Variants in CFAP43 observed in about 807,000 individuals in gnomAD.
CFAP43 encodes cilia- and flagella-associated protein 43.
Under a neutral mutation model 218.9 loss-of-function variants are expected in CFAP43, and 155 were observed. The ratio of observed to expected loss-of-function variants is 0.71; its 90% CI spans 0.62 to 0.81. CFAP43 has a LOEUF of 0.81. Ranked by LOEUF, CFAP43 falls within the 30% of genes least tolerant of loss-of-function variation. The probability of loss-of-function intolerance (pLI) is 0.00; values close to 1 mark genes in which losing one functional copy is unlikely to be tolerated. For missense variants in CFAP43, 1,778 were observed against 1,954.3 expected, an observed-to-expected ratio of 0.91 and a Z score of 1.70; for synonymous variants, 645 against 681.3, an observed-to-expected ratio of 0.95 and a Z score of 0.83.
chr10:104,189,857 CAAAA>C (rs2090149203), intron 12 of CFAP43, among the ~76,000 whole-genome samples: 1 of 151,788 alleles, frequency 6.6e-6, no homozygotes, highest in African/African-American at 2.4e-5. Context: ...CAAAACAAAA[CAAAA>C]CAAACAAACA....
chr10:104,232,250 C>T lies in CFAP43; in HGVS notation c.-4G>A, dbSNP rs1469175542. ...CGCGCTCCCGGCCTTGCGCCATGGGCAGTGTTTTCCTCAGGCGGGAGCAGG... is the reference window on the plus strand; with the variant it reads ...CGCGCTCCCGGCCTTGCGCCATGGGTAGTGTTTTCCTCAGGCGGGAGCAGG... On this transcript the variant is annotated 5_prime_UTR_variant, in exon 1 of 38. Coordinates refer to ENST00000357060, the MANE Select transcript of CFAP43 (RefSeq NM_025145.7). The T allele has an allele frequency of 6.9e-6, 11 of 1,602,564 alleles. No individual in the cohort carries two copies. The highest frequency in any genetic ancestry group is 9.4e-6 in the Non-Finnish European group (11 of 1,176,084).
At chr10:104,140,434 T>C (rs954189379) in intron 34 of CFAP43, among the ~76,000 whole-genome samples, 9 of 152,244 alleles carry the variant, frequency 5.9e-5, no homozygotes, top group African/African-American at 1.7e-4. Context: ...ACTGACTTAA[T>C]TGAATTAAAA....
chr10:104,195,426 G>C (rs1451407205), intron 10 of CFAP43, among the ~76,000 whole-genome samples: 4 of 152,178 alleles, frequency 2.6e-5, no homozygotes, highest in African/African-American at 9.6e-5. Context: ...TAATAGAAAT[G>C]AATACATATA....
intron 28 of CFAP43, among the ~76,000 whole-genome samples, chr10:104,148,419 G>A (rs1367668324): frequency 6.6e-6 from 1 of 152,182 alleles, no homozygotes; most frequent in Non-Finnish European, 1.5e-5. Flanking sequence ...ACCCAGGGGT[G>A]TATAATGCTG....
At chr10:104,207,609 C>T in intron 6 of CFAP43, 56 bp downstream of exon 6, 1 of 1,518,908 alleles carries the variant, frequency 6.6e-7, no homozygotes, top group South Asian at 1.3e-5. Flanking sequence ...ATAGGGAAAA[C>T]CAAAAAAACC....
At chr10:104,231,557 T>C (rs1242445292) in intron 1 of CFAP43, among the ~76,000 whole-genome samples, 1 of 152,170 alleles carries the variant, frequency 6.6e-6, no homozygotes, top group East Asian at 1.9e-4. Flanking sequence ...TGAAGGACAC[T>C]GGTTTGGTGA....
chr10:104,140,666 A>AGCTGGGT (rs1449718548), intron 34 of CFAP43, among the ~76,000 whole-genome samples, 176 bp downstream of exon 34: 1 of 152,184 alleles, frequency 6.6e-6, no homozygotes, highest in Non-Finnish European at 1.5e-5. Flanking sequence ...TAAAACAATT[A>AGCTGGGT]GCTGGGTGTG....
chr10:104,205,819 T>C (rs2090671209), intron 7 of CFAP43, 144 bp downstream of exon 7: 2 of 711,596 alleles, frequency 2.8e-6, no homozygotes, highest in Admixed American at 6.1e-5. Flanking sequence ...AAATCCTTTT[T>C]AATAGTACCC....
intron 28 of CFAP43, among the ~76,000 whole-genome samples, chr10:104,151,214 T>C (rs1216503620): frequency 6.6e-6 from 1 of 152,250 alleles, no homozygotes; most frequent in African/African-American, 2.4e-5. Context: ...TATGCATGCA[T>C]GTGTCTTTAT....
chr10:104,168,654 C>A, intron 21 of CFAP43, 90 bp downstream of exon 21: 1 of 1,080,318 alleles, frequency 9.3e-7, no homozygotes, highest in Admixed American at 1.8e-5. Flanking sequence ...CTTTGCTATG[C>A]CTGAATTTTC....
chr10:104,157,638 T>C (rs2088618605), intron 27 of CFAP43, among the ~76,000 whole-genome samples: 1 of 150,916 alleles, frequency 6.6e-6, no homozygotes, highest in African/African-American at 2.4e-5. Context: ...GGAACTAGAG[T>C]TTTCACTGAA....
At chr10:104,220,576 CA>C (rs35218590) in intron 3 of CFAP43, among the ~76,000 whole-genome samples, 10 of 147,734 alleles carry the variant, frequency 6.8e-5, no homozygotes, top group South Asian at 2.1e-4. Context: ...GCTATAAGAA[CA>C]AAAAAAAAAT....
At chr10:104,156,549 C>T (rs1292287791) in intron 27 of CFAP43, among the ~76,000 whole-genome samples, 1 of 152,092 alleles carries the variant, frequency 6.6e-6, no homozygotes, top group Non-Finnish European at 1.5e-5. Flanking sequence ...AGCCAATAAG[C>T]TTCAGGATGT....
At chr10:104,140,274 A>G (rs1007374814) in intron 34 of CFAP43, among the ~76,000 whole-genome samples, 9 of 152,334 alleles carry the variant, frequency 5.9e-5, no homozygotes, top group Admixed American at 5.2e-4. Context: ...AAACGATGGC[A>G]TACTAGAATG....
At chr10:104,190,553 G>A (rs543415247) in intron 12 of CFAP43, among the ~76,000 whole-genome samples, 2 of 152,204 alleles carry the variant, frequency 1.3e-5, no homozygotes, top group African/African-American at 4.8e-5. Context: ...TACATATCCC[G>A]ATTTCCAAAC....
At chr10:104,132,057 A>G in intron 36 of CFAP43, 59 bp downstream of exon 36, 1 of 1,293,316 alleles carries the variant, frequency 7.7e-7, no homozygotes, top group Non-Finnish European at 1.1e-6. Context: ...AAACACTATT[A>G]CTTTGCTCAA....
In CFAP43 at chr10:104,179,009, T is replaced by C. The variant is rs751122581; in HGVS notation, c.2460+20A>G. 9 of 1,589,368 alleles carry C rather than the reference T, an allele frequency of 5.7e-6. No individual in the cohort carries two copies. In the East Asian group the frequency reaches 2.0e-4, roughly 36 times the overall value. ...AGAATGAGGGCCAAAGGTATTAGAA[T>C]ATGAAATTACAACACTTACAGTTTT... On this transcript the variant is annotated intron_variant, in intron 19 of 37. Coordinates refer to ENST00000357060, the MANE Select transcript of CFAP43 (RefSeq NM_025145.7).
intron 35 of CFAP43, among the ~76,000 whole-genome samples, chr10:104,133,208 T>A (rs1295417344): frequency 1.3e-5 from 2 of 152,108 alleles, no homozygotes; most frequent in East Asian, 3.8e-4. Flanking sequence ...AACACAAACA[T>A]AGCTAAGGGC....
intron 20 of CFAP43, 55 bp downstream of exon 20, chr10:104,172,355 T>C: frequency 3.2e-6 from 5 of 1,572,802 alleles, no homozygotes; most frequent in Non-Finnish European, 3.4e-6. Context: ...ATTCCTATTA[T>C]CTTTTTACTT....
Sources: allele counts gnomAD v4.1 joint callset (sites outside exome capture counted in the v4.1 genomes callset), GRCh38; gene constraint gnomAD v4.1.1; transcripts MANE v1.5; gene names NCBI Gene and HGNC (gene_info 2026-07-23, HGNC 2026-07-21).